SCML2: variants seen among roughly 807,000 people sequenced by gnomAD.
The protein encoded by SCML2 is Scm polycomb group protein like 2.
A neutral mutation model predicts 48.4 loss-of-function variants in SCML2; 6 were observed. The ratio of observed to expected loss-of-function variants is 0.12; its 90% CI spans 0.07 to 0.24. The LOEUF (loss-of-function observed/expected upper bound fraction) is 0.24. SCML2 is among the 10% of genes least tolerant of loss of function. The pLI is 1.00. For synonymous variants in SCML2, 181 were observed against 189.5 expected, an observed-to-expected ratio of 0.95 and a Z score of 0.37; for missense variants, 377 against 528.2, an observed-to-expected ratio of 0.71 and a Z score of 2.81.
At chrX:18,299,032 CA>C (rs1236874100) in intron 7 of SCML2, among the ~76,000 whole-genome samples, 27 of 110,930 alleles carry the variant, frequency 2.4e-4, no homozygotes, top group Non-Finnish European at 1.9e-4. Flanking sequence ...GCCACAAAAA[CA>C]AAAACAGACA....
At chrX:18,264,293 T>A (rs1295856600) in intron 8 of SCML2, among the ~76,000 whole-genome samples, 1 of 111,699 alleles carries the variant, frequency 9.0e-6, no homozygotes, top group East Asian at 2.8e-4. Flanking sequence ...CTTTCTCCTG[T>A]CATCTCCAGT....
At chrX:18,324,766 T>C in intron 4 of SCML2, 141 bp downstream of exon 4, 1 of 439,679 alleles carries the variant, frequency 2.3e-6, no homozygotes, top group East Asian at 3.7e-5. Context: ...TCTTAATGAA[T>C]GCAAAGAGAC....
intron 13 of SCML2, among the ~76,000 whole-genome samples, chrX:18,244,669 GCT>G (rs1926379481): frequency 1.8e-5 from 2 of 111,172 alleles, no homozygotes; most frequent in South Asian, 3.9e-4. Flanking sequence ...CTCCTGAACG[GCT>G]CTGTCTTATA....
chrX:18,326,676 T>A (rs1929490192), intron 3 of SCML2, among the ~76,000 whole-genome samples: 1 of 72,970 alleles, frequency 1.4e-5, no homozygotes. Flanking sequence ...CAAGACTCCA[T>A]CTCAAAAAAA....
intron 4 of SCML2, 50 bp downstream of exon 4, chrX:18,324,857 C>CAA: frequency 1.1e-6 from 1 of 951,154 alleles, no homozygotes; most frequent in Non-Finnish European, 1.5e-6. Flanking sequence ...AGACGTCCTC[C>CAA]AACAAGTTAA....
At chrX:18,308,170 G>A (rs1394014036) in intron 6 of SCML2, among the ~76,000 whole-genome samples, 1 of 105,581 alleles carries the variant, frequency 9.5e-6, no homozygotes, top group African/African-American at 3.5e-5. Context: ...GAGGCAGGAG[G>A]ATCTGCTTGA....
intron 7 of SCML2, among the ~76,000 whole-genome samples, chrX:18,287,307 G>C (rs1203660005): frequency 9.0e-6 from 1 of 111,455 alleles, no homozygotes; most frequent in African/African-American, 3.3e-5. Flanking sequence ...TAAAAATTAG[G>C]TCTGGGTAAC....
At position 18,241,126 on chromosome X, in the gene SCML2, C is replaced by T. The variant is rs1049101398; in HGVS notation, c.*125G>A. ...TGACTGAACTGTTACTACAGTTCTG[C>T]AATTCTGATAAAATATTTTTATGGG... On this transcript the variant is annotated 3_prime_UTR_variant, in exon 15 of 15. Transcript: ENST00000251900. 8.0e-6 allele frequency: 5 copies of T among 627,455 alleles called. No individual in the cohort carries two copies. In the East Asian group the frequency reaches 1.7e-4, roughly 21 times the overall value. 51.7% of individuals were successfully genotyped at this position (627,455 alleles called of 1,213,427 possible).
At chrX:18,250,044 T>C (rs1926590024) in intron 11 of SCML2, among the ~76,000 whole-genome samples, 3 of 110,443 alleles carry the variant, frequency 2.7e-5, no homozygotes, top group Middle Eastern at 4.6e-3. Flanking sequence ...CAACAAACCC[T>C]AGGGAGAAGG....
chrX:18,279,776 G>A (rs985271837), intron 7 of SCML2, among the ~76,000 whole-genome samples: 8 of 111,743 alleles, frequency 7.2e-5, no homozygotes, highest in African/African-American at 2.3e-4. Flanking sequence ...TCAAGAGCTC[G>A]AAGACTACTT....
chrX:18,338,919 TAAA>T (rs374703842), intron 1 of SCML2, among the ~76,000 whole-genome samples: 2 of 76,412 alleles, frequency 2.6e-5, no homozygotes, highest in Non-Finnish European at 5.0e-5. Context: ...CCTGTCTCAT[TAAA>T]AAAAAAAAAA....
chrX:18,251,111 G>A lies in SCML2; in HGVS notation c.1457-3229C>T, dbSNP rs771417651. ...GAACTATAATTCAAGATGAGATTTG[G>A]GTGGGGACACAGCCAAACCATGCCA... On this transcript the variant is annotated intron_variant, in intron 11 of 14. Coordinates refer to ENST00000251900, the MANE Select transcript of SCML2 (RefSeq NM_006089.3). Among the ~76,000 whole-genome samples the A allele has an allele frequency of 4.6e-5, 5 of 108,503 alleles. No individual in the cohort carries two copies. The South Asian group carries it at 2.0e-3, about 44-fold the overall frequency. The allele number at this position is 108,503 out of a possible 115,157, so 94.2% of individuals were successfully genotyped here. A position where few individuals can be genotyped will look rare whatever the true frequency, so the allele number is the denominator to read the frequency against.
intron 1 of SCML2, among the ~76,000 whole-genome samples, chrX:18,349,688 C>G (rs575324699): frequency 5.5e-5 from 6 of 109,533 alleles, no homozygotes; most frequent in African/African-American, 2.0e-4. Context: ...TCCCAGCTCC[C>G]CAGGAGGCTG....
intron 8 of SCML2, among the ~76,000 whole-genome samples, chrX:18,264,446 T>C (rs1369001859): frequency 2.1e-5 from 2 of 93,153 alleles, no homozygotes; most frequent in Non-Finnish European, 4.2e-5. Context: ...TGTGTGTGTG[T>C]GTGTGTGTGT....
chrX:18,318,177 G>A (rs181620436), intron 6 of SCML2, among the ~76,000 whole-genome samples: 72 of 112,596 alleles, frequency 6.4e-4, no homozygotes, highest in Non-Finnish European at 1.2e-3. Flanking sequence ...CTCACACATG[G>A]CTTACCACTG....
chrX:18,246,883 T>G (rs1926466614), intron 12 of SCML2, 55 bp from the exon 13 acceptor site: 1 of 1,080,310 alleles, frequency 9.3e-7, no homozygotes, highest in African/African-American at 1.9e-5. Flanking sequence ...ATTCAAATAC[T>G]ACTAAAAGGT....
intron 7 of SCML2, among the ~76,000 whole-genome samples, chrX:18,282,360 G>A (rs889671793): frequency 6.3e-5 from 7 of 110,966 alleles, no homozygotes; most frequent in African/African-American, 2.0e-4. Flanking sequence ...ATGCAAGGCC[G>A]GGCGCGGTGG....
Position 18,330,612 on chromosome X carries a change from C to A in SCML2, c.66G>T (p.Gln22His). Residue 22 changes from glutamine (Q) to histidine (H), a missense_variant, in exon 3 of 15, where the codon CAG becomes CAT. Coordinates refer to ENST00000251900, the MANE Select transcript of SCML2 (RefSeq NM_006089.3). ...VKKENQEKTP[Q>H]SSTSSVQRDD... The stretch of plus-strand genomic sequence containing the variant: ...CCCTTTGTACAGAAGATGTACTTGA[C>A]TGAGGAGTTTTCTCTTGATTCTCCT... The A allele has an allele frequency of 8.5e-7, 1 of 1,181,810 alleles. No homozygotes were observed. Among genetic ancestry groups the A allele is most frequent in the Non-Finnish European group, 1.1e-6 (1 of 875,919 alleles).
intron 14 of SCML2, 54 bp downstream of exon 14, chrX:18,242,385 C>T: frequency 1.8e-6 from 2 of 1,129,140 alleles, no homozygotes; most frequent in Non-Finnish European, 2.4e-6. Flanking sequence ...AGGGCCTGCA[C>T]AGAGGTCATT....
Sources: gnomAD v4.1 joint callset for allele counts (sites outside exome capture counted in the v4.1 genomes callset) on GRCh38, gnomAD v4.1.1 for gene constraint, MANE v1.5 for transcripts, NCBI Gene and HGNC (gene_info 2026-07-23, HGNC 2026-07-21) for gene names.